ATXN7: variants seen among roughly 807,000 people sequenced by gnomAD.
ATXN7 encodes the protein ataxin 7.
A neutral mutation model predicts 70.5 loss-of-function variants in ATXN7; 12 were observed. The ratio of observed to expected loss-of-function variants is 0.17; its 90% CI spans 0.11 to 0.28. The LOEUF is 0.28. ATXN7 is among the 10% of genes least tolerant of loss of function. The pLI is 1.00. For missense variants in ATXN7, 1,256 were observed against 1,131.7 expected (o/e 1.11, Z -1.58); for synonymous variants, 498 against 448.7 (o/e 1.11, Z -1.39).
chr3:63,977,226 G>A (rs114624415), intron 5 of ATXN7, among the ~76,000 whole-genome samples: 143 of 152,306 alleles, frequency 9.4e-4, no homozygotes, highest in African/African-American at 3.4e-3. Context: ...CAAAATTTCA[G>A]TATGTTCAAA....
Position 63,964,944 on chromosome 3 carries a change from AG to A in ATXN7, c.499+12462del, listed in dbSNP as rs2075194907. Among the ~76,000 whole-genome samples, 3 of 152,200 alleles carry A rather than the reference AG, an allele frequency of 2.0e-5. No individual in the cohort carries two copies. The South Asian group carries it at 6.2e-4, about 31-fold the overall frequency. ...CCTGCTGAGACAGTGAAGTGGAGTT[AG>A]TGGAGACTTGTATTCCTGTAAAATG... On this transcript the variant is annotated intron_variant, in intron 5 of 12. Transcript: ENST00000674280.
intron 1 of ATXN7, among the ~76,000 whole-genome samples, chr3:63,884,644 T>C (rs1050604008): frequency 6.6e-6 from 1 of 151,890 alleles, no homozygotes. Context: ...ATCTTTTTTT[T>C]TTTCTTTCTT....
chr3:63,975,924 C>A (rs1374429686), intron 5 of ATXN7, among the ~76,000 whole-genome samples: 1 of 152,202 alleles, frequency 6.6e-6, no homozygotes, highest in African/African-American at 2.4e-5. Flanking sequence ...TGTGTCTGTA[C>A]TTGTCTGTCA....
intron 4 of ATXN7, among the ~76,000 whole-genome samples, chr3:63,924,845 G>T (rs1433391757): frequency 6.6e-6 from 1 of 152,192 alleles, no homozygotes; most frequent in African/African-American, 2.4e-5. Flanking sequence ...GTAGCAGGAT[G>T]AAGACATGGG....
intron 2 of ATXN7, 24 bp from the exon 3 acceptor site, chr3:63,912,564 C>T (rs1286179922): frequency 8.9e-6 from 10 of 1,119,686 alleles, no homozygotes; most frequent in South Asian, 2.2e-5. Flanking sequence ...CGACTCTTTC[C>T]CCCTTTTTTT....
chr3:63,918,169 A>G (rs1262247291), intron 4 of ATXN7, among the ~76,000 whole-genome samples: 2 of 151,868 alleles, frequency 1.3e-5, no homozygotes, highest in Non-Finnish European at 2.9e-5. Flanking sequence ...GTAGGCAACT[A>G]GAGTTCAAAA....
intron 1 of ATXN7, among the ~76,000 whole-genome samples, chr3:63,872,681 A>G (rs1373777168): frequency 5.3e-5 from 8 of 152,230 alleles, no homozygotes. Flanking sequence ...ATTGCACAGG[A>G]TAGCCTACAG....
At chr3:63,903,217 A>T (rs1703711076) in intron 2 of ATXN7, among the ~76,000 whole-genome samples, 1 of 151,872 alleles carries the variant, frequency 6.6e-6, no homozygotes, top group East Asian at 1.9e-4. Context: ...ACATGGTGAA[A>T]CCCCGTCTCT....
At chr3:63,886,223 G>A (rs906799257) in intron 1 of ATXN7, among the ~76,000 whole-genome samples, 1 of 152,190 alleles carries the variant, frequency 6.6e-6, no homozygotes, top group African/African-American at 2.4e-5. Context: ...GCAGAGAGTA[G>A]AATAATGGTT....
chr3:63,912,961 G>A (rs561644071), intron 3 of ATXN7, 38 bp downstream of exon 3: 1 of 1,321,278 alleles, frequency 7.6e-7, no homozygotes, highest in East Asian at 3.0e-5. Flanking sequence ...TCACCCCCTC[G>A]CGACCCCCTC....
intron 1 of ATXN7, among the ~76,000 whole-genome samples, chr3:63,891,302 G>A (rs773806429): frequency 5.3e-4 from 79 of 148,040 alleles, no homozygotes; most frequent in Non-Finnish European, 1.1e-3. Context: ...AGCGACGAGC[G>A]ACTGCACCTG....
At chr3:63,983,231 G>C (rs1306797134) in intron 8 of ATXN7, among the ~76,000 whole-genome samples, 2 of 152,342 alleles carry the variant, frequency 1.3e-5, no homozygotes, top group East Asian at 3.9e-4. Context: ...AATCTTGACA[G>C]AGGTTTTGTT....
rs149214569 is a variant in ATXN7, at chr3:63,925,386, G to T, written c.394+12161G>T. On this transcript the variant is annotated intron_variant, in intron 4 of 12. Coordinates refer to ENST00000674280, the MANE Select transcript of ATXN7 (RefSeq NM_001377405.1). ...GCCACACAGCAGGAGGTAAGTGGGG[G>T]TGGGGGACTGAGCATTACTGCCTGA... Among the ~76,000 whole-genome samples, 681 of 152,280 alleles carry T rather than the reference G, an allele frequency of 4.5e-3. 2 individuals are homozygous for T. The highest frequency in any genetic ancestry group is 7.0e-3 in the Non-Finnish European group (475 of 68,020).
At position 63,979,805 on chromosome 3, in the gene ATXN7, T is replaced by G. The variant is rs377303011; in HGVS notation, c.500-110T>G. 5.7e-5 allele frequency: 84 copies of G among 1,468,872 alleles called. No homozygotes were observed. The African/African-American group carries it at 1.0e-3, about 18-fold the overall frequency. 91.0% of individuals were successfully genotyped at this position (1,468,872 alleles called of 1,614,324 possible). A position where few individuals can be genotyped will look rare whatever the true frequency, so the allele number is the denominator to read the frequency against. On this transcript the variant is annotated intron_variant, in intron 5 of 12. Coordinates refer to ENST00000674280, the MANE Select transcript of ATXN7 (RefSeq NM_001377405.1). ...CTGCTGAGTTTAACATACCTTCACT[T>G]AACGACACGTGTTTTAACCTGAATA... is the stretch of plus-strand genomic sequence containing the variant.
At chr3:63,951,848 A>G (rs1035936338) in intron 4 of ATXN7, among the ~76,000 whole-genome samples, 5 of 152,228 alleles carry the variant, frequency 3.3e-5, no homozygotes, top group East Asian at 1.9e-4. Context: ...TGGCATTAGT[A>G]TGTAAGCAAA....
At chr3:63,873,309 A>G (rs1488924706) in intron 1 of ATXN7, among the ~76,000 whole-genome samples, 1 of 152,198 alleles carries the variant, frequency 6.6e-6, no homozygotes, top group East Asian at 1.9e-4. Context: ...GGTGACAACA[A>G]TGCCAAAGAA....
At chr3:63,875,231 C>T (rs1378730451) in intron 1 of ATXN7, among the ~76,000 whole-genome samples, 1 of 152,086 alleles carries the variant, frequency 6.6e-6, no homozygotes, top group Admixed American at 6.5e-5. Flanking sequence ...GCTGGGACTG[C>T]AGGTGCATGC....
At chr3:63,977,054 T>G (rs769668061) in intron 5 of ATXN7, among the ~76,000 whole-genome samples, 1 of 152,184 alleles carries the variant, frequency 6.6e-6, no homozygotes, top group Non-Finnish European at 1.5e-5. Context: ...TCAGCTGTGT[T>G]TGGGTGTGGT....
chr3:63,867,106 T>C (rs1702454567), intron 1 of ATXN7: 1 of 152,172 alleles, frequency 6.6e-6, no homozygotes, highest in Non-Finnish European at 1.5e-5. Flanking sequence ...TAAGGAATTT[T>C]GTACTATGCT....
Sources: allele counts gnomAD v4.1 joint callset (sites outside exome capture counted in the v4.1 genomes callset), GRCh38; gene constraint gnomAD v4.1.1; transcripts MANE v1.5; gene names NCBI Gene and HGNC (gene_info 2026-07-23, HGNC 2026-07-21).